The following PLCZ1 variants were observed in gnomAD, a reference collection of about 807,000 sequenced individuals.
PLCZ1 encodes the protein phospholipase C zeta 1, also known as 1-phosphatidylinositol 4,5-bisphosphate phosphodiesterase zeta-1.
A neutral mutation model predicts 76.8 loss-of-function variants in PLCZ1; 64 were observed. The observed-to-expected ratio is 0.83, with a 90% CI of 0.68 to 1.03. PLCZ1 has a LOEUF of 1.03. Ranked by LOEUF, PLCZ1 falls within the 50% of genes least tolerant of loss-of-function variation. The pLI, the probability that PLCZ1 is intolerant of heterozygous loss-of-function variation, is 0.00. For missense variants in PLCZ1, 751 were observed against 713.7 expected (o/e 1.05, Z -0.60); for synonymous variants, 248 against 230.8 (o/e 1.07, Z -0.68).
rs1442613511 is a variant in PLCZ1 at position 18,684,361 on chromosome 12, T to C, written c.1592-82A>G. 11 of 1,375,894 alleles carry C rather than the reference T, an allele frequency of 8.0e-6. No homozygotes were observed. In the East Asian group the frequency reaches 1.9e-4, roughly 23 times the overall value. 85.2% of individuals were successfully genotyped at this position (1,375,894 alleles called of 1,614,324 possible). ...TAGATTACATTTGTTCTCCAAACTT[T>C]TTCTTTTCAACCCTTTAACAATAAT... On this transcript the variant is annotated intron_variant, in intron 13 of 14. Coordinates refer to ENST00000266505, the MANE Select transcript of PLCZ1 (RefSeq NM_033123.4).
At chr12:18,725,686 T>G (rs951884894) in intron 3 of PLCZ1, among the ~76,000 whole-genome samples, 4 of 152,238 alleles carry the variant, frequency 2.6e-5, no homozygotes, top group African/African-American at 4.8e-5. Context: ...ATCTTTTTCC[T>G]CCTTCCACCT....
chr12:18,658,550 C>T, the PLCZ1 span, among the ~76,000 whole-genome samples: 1 of 151,900 alleles, frequency 6.6e-6, no homozygotes, highest in African/African-American at 2.4e-5. Flanking sequence ...AAAGAAAAGA[C>T]CATCAACCAA....
the PLCZ1 span, among the ~76,000 whole-genome samples, chr12:18,650,319 C>CTATATA: frequency 3.1e-5 from 3 of 96,780 alleles, no homozygotes; most frequent in African/African-American, 1.7e-4. Flanking sequence ...CTCTCTCTCT[C>CTATATA]TCTCTCTCTC....
Position 18,736,227 on chromosome 12 carries a change from A to T in PLCZ1, c.129T>A (p.Ile43=). ...GGGGTGGATGTCATCTTACCTTAAA[A>T]ATCTGTTTCACATGAATATAACTGC... ...IRCSYIHVKQ[I]FKDNDRLKQG... Residue 43 remains isoleucine (I), a synonymous_variant, in exon 3 of 15, where the codon ATT becomes ATA. Coordinates refer to ENST00000266505, the MANE Select transcript of PLCZ1 (RefSeq NM_033123.4). 1 of 1,612,414 alleles carries T rather than the reference A, an allele frequency of 6.2e-7. No individual in the cohort carries two copies. Among genetic ancestry groups the T allele is most frequent in the Non-Finnish European group, 8.5e-7 (1 of 1,178,952 alleles).
intron 11 of PLCZ1, among the ~76,000 whole-genome samples, 198 bp from the exon 12 acceptor site, chr12:18,695,277 A>T (rs1228736026): frequency 1.3e-5 from 2 of 152,208 alleles, no homozygotes; most frequent in African/African-American, 4.8e-5. Flanking sequence ...TGAGTTGCAA[A>T]GTTTAATCTG....
chr12:18,703,488 C>T lies in PLCZ1; in HGVS notation c.864+1678G>A, dbSNP rs1956205190. Among the ~76,000 whole-genome samples the T allele has an allele frequency of 2.0e-5, 3 of 152,178 alleles. No homozygotes were observed. The South Asian group carries it at 6.2e-4, about 32-fold the overall frequency. ...TTCGATGGTGCATGACCATTGCTTT[C>T]TGACCTTTGTGTTGAGATGTTATAC... On this transcript the variant is annotated intron_variant, in intron 7 of 14. Transcript: ENST00000266505.
At chr12:18,713,919 G>A (rs1957639657) in intron 5 of PLCZ1, 2 of 152,096 alleles carry the variant, frequency 1.3e-5, no homozygotes, top group Admixed American at 1.3e-4. Flanking sequence ...TTAATTTTCA[G>A]TGTTCATACT....
At chr12:18,730,665 G>A (rs553100067) in intron 3 of PLCZ1, among the ~76,000 whole-genome samples, 15 of 151,970 alleles carry the variant, frequency 9.9e-5, no homozygotes, top group South Asian at 2.1e-4. Flanking sequence ...AGCCATTTCC[G>A]TACTTTTATA....
chr12:18,679,634 GGATTAA>G (rs1332050073), downstream of PLCZ1, among the ~76,000 whole-genome samples: 2 of 151,930 alleles, frequency 1.3e-5, no homozygotes, highest in East Asian at 1.9e-4. Context: ...ATTGCTGAAA[GGATTAA>G]GATTAATTTT....
the PLCZ1 span, among the ~76,000 whole-genome samples, chr12:18,654,143 G>GAT: frequency 6.6e-6 from 1 of 152,028 alleles, no homozygotes; most frequent in East Asian, 1.9e-4. Flanking sequence ...AGACTGGGCA[G>GAT]ATATGAAGGG....
At chr12:18,724,648 T>A (rs1419922699) in intron 3 of PLCZ1, among the ~76,000 whole-genome samples, 2 of 152,106 alleles carry the variant, frequency 1.3e-5, no homozygotes, top group Non-Finnish European at 2.9e-5. Flanking sequence ...TCATGCGTAT[T>A]GTTCATTACC....
At chr12:18,736,878 TAC>T (rs1468369790) in intron 2 of PLCZ1, 4 of 427,454 alleles carry the variant, frequency 9.4e-6, no homozygotes, top group Middle Eastern at 3.6e-4. Context: ...AATGCCCAGC[TAC>T]ACACACACTC....
the PLCZ1 span, among the ~76,000 whole-genome samples, chr12:18,655,054 T>TAA: frequency 0.2 from 30,587 of 151,084 alleles, 3,243 homozygotes; most frequent in African/African-American, 0.23. Flanking sequence ...GAAACAATAA[T>TAA]AAAAAAAAAT....
the PLCZ1 span, chr12:18,647,843 G>A: frequency 7.4e-7 from 1 of 1,357,042 alleles, no homozygotes. Context: ...AAGCATTTCT[G>A]ATTTATATTT....
chr12:18,729,354 A>G (rs539054377), intron 3 of PLCZ1, among the ~76,000 whole-genome samples: 1 of 152,232 alleles, frequency 6.6e-6, no homozygotes, highest in East Asian at 1.9e-4. Flanking sequence ...CAAACTAAAT[A>G]GAGTCTCTTC....
chr12:18,683,735 G>A, intron 14 of PLCZ1: 2 of 763,182 alleles, frequency 2.6e-6, no homozygotes, highest in Non-Finnish European at 4.0e-6. Flanking sequence ...CCTGAAAAGG[G>A]GTCAGGAAAG....
chr12:18,718,178 T>C (rs531208230), intron 5 of PLCZ1, among the ~76,000 whole-genome samples: 1 of 152,266 alleles, frequency 6.6e-6, no homozygotes, highest in East Asian at 1.9e-4. Flanking sequence ...ACTTAAGATA[T>C]TTTCAAGTAT....
chr12:18,648,177 GTTGT>G, the PLCZ1 span: 39,501 of 400,858 alleles, frequency 0.099, 2,330 homozygotes, highest in African/African-American at 0.2. Context: ...AGTCTTTTGT[GTTGT>G]TTATTTTCTA....
At chr12:18,659,226 C>T in the PLCZ1 span, among the ~76,000 whole-genome samples, 2 of 152,142 alleles carry the variant, frequency 1.3e-5, no homozygotes, top group Non-Finnish European at 2.9e-5. Context: ...ACTAAATAAC[C>T]ACTTTACCTT....
Sources: gnomAD v4.1 joint callset for allele counts (sites outside exome capture counted in the v4.1 genomes callset) on GRCh38, gnomAD v4.1.1 for gene constraint, MANE v1.5 for transcripts, NCBI Gene and HGNC (gene_info 2026-07-23, HGNC 2026-07-21) for gene names.